The following ARHGAP15 variants were observed in gnomAD, a reference collection of about 807,000 sequenced individuals.
ARHGAP15 encodes Rho GTPase activating protein 15.
A neutral mutation model predicts 63.7 loss-of-function variants in ARHGAP15; 51 were observed. That is an observed-to-expected ratio of 0.80 (90% confidence interval 0.64 to 1.01). ARHGAP15 has a LOEUF of 1.01. Among genes scored for constraint, ARHGAP15 ranks in the 50% least tolerant of loss-of-function variants. The pLI, the probability that ARHGAP15 is intolerant of heterozygous loss-of-function variation, is 0.00. For synonymous variants in ARHGAP15, 191 were observed against 193.8 expected, an observed-to-expected ratio of 0.99 and a Z score of 0.12; for missense variants, 560 against 564.6, an observed-to-expected ratio of 0.99 and a Z score of 0.08.
At chr2:143,476,786 A>T (rs1037516117) in intron 8 of ARHGAP15, among the ~76,000 whole-genome samples, 12 of 152,304 alleles carry the variant, frequency 7.9e-5, no homozygotes, top group African/African-American at 2.9e-4. Context: ...GAGTATTTGG[A>T]TTGCTAAGTA....
At chr2:143,152,924 G>A (rs992254311) in intron 1 of ARHGAP15, among the ~76,000 whole-genome samples, 1 of 151,888 alleles carries the variant, frequency 6.6e-6, no homozygotes, top group Non-Finnish European at 1.5e-5. Flanking sequence ...AGAGAGATCC[G>A]CCTGATGGAA....
chr2:143,184,900 C>T (rs1691382085), intron 2 of ARHGAP15, among the ~76,000 whole-genome samples: 1 of 149,440 alleles, frequency 6.7e-6, no homozygotes, highest in African/African-American at 2.5e-5. Context: ...TCAGACTGGT[C>T]TCACACATCT....
At chr2:143,134,641 T>C (rs1161324333) in intron 1 of ARHGAP15, among the ~76,000 whole-genome samples, 5 of 149,612 alleles carry the variant, frequency 3.3e-5, no homozygotes, top group African/African-American at 1.2e-4. Flanking sequence ...TCTTTTTTTT[T>C]TTTTTTTTTT....
At chr2:143,455,301 T>C (rs1166603495) in intron 8 of ARHGAP15, among the ~76,000 whole-genome samples, 1 of 152,114 alleles carries the variant, frequency 6.6e-6, no homozygotes, top group Non-Finnish European at 1.5e-5. Flanking sequence ...TGATGCATTA[T>C]AGTTAGTGTA....
At chr2:143,494,727 T>C (rs1692740879) in intron 9 of ARHGAP15, among the ~76,000 whole-genome samples, 1 of 152,214 alleles carries the variant, frequency 6.6e-6, no homozygotes, top group Non-Finnish European at 1.5e-5. Context: ...AGAGAATGAC[T>C]AGAGCTCTGA....
chr2:143,204,200 C>T (rs555208574), intron 3 of ARHGAP15, among the ~76,000 whole-genome samples: 1 of 152,102 alleles, frequency 6.6e-6, no homozygotes, highest in Non-Finnish European at 1.5e-5. Flanking sequence ...CCCTGTTTAC[C>T]CACTTTCGCT....
intron 2 of ARHGAP15, among the ~76,000 whole-genome samples, chr2:143,200,644 T>A (rs16858818): frequency 0.17 from 25,705 of 151,944 alleles, 2,371 homozygotes; most frequent in Middle Eastern, 0.24. Context: ...GGAGTTTCTG[T>A]TTAAATTACA....
At chr2:143,503,720 T>A (rs1693178026) in intron 9 of ARHGAP15, among the ~76,000 whole-genome samples, 2 of 152,266 alleles carry the variant, frequency 1.3e-5, no homozygotes, top group South Asian at 4.1e-4. Context: ...GAACACTCTG[T>A]GTGCCTAGAC....
At chr2:143,225,667 GATTA>G (rs1693183329) in intron 4 of ARHGAP15, among the ~76,000 whole-genome samples, 1 of 152,128 alleles carries the variant, frequency 6.6e-6, no homozygotes, top group African/African-American at 2.4e-5. Flanking sequence ...GTAACGAACA[GATTA>G]TAGGTTTTGG....
chr2:143,346,274 A>ACTCT (rs1553467354), intron 6 of ARHGAP15, among the ~76,000 whole-genome samples: 1 of 150,142 alleles, frequency 6.7e-6, no homozygotes, highest in African/African-American at 2.5e-5. Context: ...ACACACACAC[A>ACTCT]CTCACAAACA....
At chr2:143,280,388 A>G (rs1371786992) in intron 6 of ARHGAP15, among the ~76,000 whole-genome samples, 2 of 152,092 alleles carry the variant, frequency 1.3e-5, no homozygotes, top group African/African-American at 2.4e-5. Flanking sequence ...GAAGAAAATC[A>G]AGGGTCAGGT....
intron 12 of ARHGAP15, among the ~76,000 whole-genome samples, chr2:143,647,384 A>T (rs1680935093): frequency 1.3e-5 from 2 of 151,792 alleles, no homozygotes; most frequent in Admixed American, 1.3e-4. Context: ...AAAGAACATA[A>T]AAAAAGCAAG....
In ARHGAP15 at chr2:143,364,211, A is replaced by C. The variant is rs1033963165; in HGVS notation, c.475-71390A>C. ...AAAACAAACAACAACAACAAAAAAA[A>C]AAAAAAAACATTCAATCATCCATTA... On this transcript the variant is annotated intron_variant, in intron 6 of 13. Coordinates refer to ENST00000295095, the MANE Select transcript of ARHGAP15 (RefSeq NM_018460.4). 8.7e-4 allele frequency among the ~76,000 whole-genome samples: 132 copies of C among 151,662 alleles called. 1 individual carries two copies. The highest frequency in any genetic ancestry group is 7.6e-3 in the Admixed American group (116 of 15,276).
At chr2:143,685,623 T>C (rs1683300030) in intron 12 of ARHGAP15, among the ~76,000 whole-genome samples, 1 of 152,194 alleles carries the variant, frequency 6.6e-6, no homozygotes, top group African/African-American at 2.4e-5. Context: ...TACAGAGCGC[T>C]TGACAGGTCT....
intron 6 of ARHGAP15, among the ~76,000 whole-genome samples, chr2:143,380,604 T>C (rs2104940040): frequency 6.6e-6 from 1 of 152,272 alleles, no homozygotes; most frequent in East Asian, 1.9e-4. Flanking sequence ...TCCAAGGCTG[T>C]TGATGCCTAA....
At chr2:143,747,164 G>T (rs1318338097) in intron 13 of ARHGAP15, among the ~76,000 whole-genome samples, 1 of 151,828 alleles carries the variant, frequency 6.6e-6, no homozygotes, top group Non-Finnish European at 1.5e-5. Context: ...GGGTTGATAG[G>T]TGCAGCAAAC....
At chr2:143,695,371 G>A (rs1683795942) in intron 12 of ARHGAP15, among the ~76,000 whole-genome samples, 1 of 152,104 alleles carries the variant, frequency 6.6e-6, no homozygotes, top group Admixed American at 6.6e-5. Flanking sequence ...AGAAATTCTA[G>A]GAAGGACAAT....
chr2:143,435,728 A>G, intron 7 of ARHGAP15, 29 bp downstream of exon 7: 1 of 1,587,450 alleles, frequency 6.3e-7, no homozygotes, highest in Non-Finnish European at 8.6e-7. Context: ...TGTTACCTTT[A>G]TTAATTAAAA....
chr2:143,236,303 A>G (rs6710157), intron 5 of ARHGAP15: 31,739 of 194,600 alleles, frequency 0.16, 2,801 homozygotes, highest in Middle Eastern at 0.23. Context: ...ACAACATGCC[A>G]TGGAACCATA....
Sources: gnomAD v4.1 joint callset for allele counts (sites outside exome capture counted in the v4.1 genomes callset) on GRCh38, gnomAD v4.1.1 for gene constraint, MANE v1.5 for transcripts, NCBI Gene and HGNC (gene_info 2026-07-23, HGNC 2026-07-21) for gene names.